DNAJC3: variants seen among roughly 807,000 people sequenced by gnomAD.
DNAJC3 encodes DnaJ heat shock protein family (Hsp40) member C3, also known as dnaJ homolog subfamily C member 3.
Under a neutral mutation model 68.6 loss-of-function variants are expected in DNAJC3, and 38 were observed. The observed-to-expected ratio is 0.55, with a 90% CI of 0.43 to 0.73. DNAJC3 has a LOEUF of 0.73. Ranked by LOEUF, DNAJC3 falls within the 30% of genes least tolerant of loss-of-function variation. DNAJC3 has a pLI of 0.00. For synonymous variants in DNAJC3, 203 were observed against 204.0 expected (o/e 1.00, Z 0.04); for missense variants, 526 against 591.9 (o/e 0.89, Z 1.16).
chr13:95,761,198 T>C (rs2139675844), intron 7 of DNAJC3, among the ~76,000 whole-genome samples: 1 of 152,236 alleles, frequency 6.6e-6, no homozygotes, highest in African/African-American at 2.4e-5. Context: ...CATAGGATAA[T>C]TGGAGTACCA....
intron 1 of DNAJC3, among the ~76,000 whole-genome samples, chr13:95,688,931 TGTGTGTGTGTGTG>T (rs1566466653): frequency 9.3e-5 from 8 of 86,286 alleles, no homozygotes; most frequent in African/African-American, 3.6e-4. Context: ...TGTGTGGGTG[TGTGTGTGTGTGTG>T]TGTGTGTGTG....
chr13:95,764,645 CATAT>C (rs755441205), intron 9 of DNAJC3, among the ~76,000 whole-genome samples: 11,468 of 56,224 alleles, frequency 0.2, 1,043 homozygotes, highest in Non-Finnish European at 0.22. Context: ...AAATAGAATC[CATAT>C]ATATATATAT....
intron 2 of DNAJC3, among the ~76,000 whole-genome samples, chr13:95,709,566 C>T (rs1880881946): frequency 6.6e-6 from 1 of 151,464 alleles, no homozygotes; most frequent in Non-Finnish European, 1.5e-5. Flanking sequence ...CCTGCTACTA[C>T]CAAGGATAAC....
At chr13:95,764,440 C>G (rs1188318975) in intron 9 of DNAJC3, among the ~76,000 whole-genome samples, 1 of 146,490 alleles carries the variant, frequency 6.8e-6, no homozygotes, top group African/African-American at 2.5e-5. Flanking sequence ...ACATACATGT[C>G]ATATATCCCT....
chr13:95,740,553 G>T (rs1179671848), intron 4 of DNAJC3, among the ~76,000 whole-genome samples: 4 of 152,126 alleles, frequency 2.6e-5, no homozygotes, highest in Admixed American at 2.0e-4. Flanking sequence ...CGCAGTATTC[G>T]GGTGGGAGTG....
rs565553538 is a variant in DNAJC3 at position 95,779,187 on chromosome 13, T to G, written c.1076-6752T>G. ...TCGCCCAGGCTGGAGTGCAGTGGCA[T>G]GATTTCAGCTCAATGCAAGCTCCGC... On this transcript the variant is annotated intron_variant, in intron 9 of 11. Coordinates refer to ENST00000602402, the MANE Select transcript of DNAJC3 (RefSeq NM_006260.5). 9.8e-4 allele frequency among the ~76,000 whole-genome samples: 145 copies of G among 148,364 alleles called. 1 individual carries two copies. Among genetic ancestry groups the G allele is most frequent in the Non-Finnish European group, 1.6e-3 (111 of 67,336 alleles).
chr13:95,762,203 G>C (rs1010332366), intron 7 of DNAJC3, among the ~76,000 whole-genome samples: 1 of 152,020 alleles, frequency 6.6e-6, no homozygotes, highest in Non-Finnish European at 1.5e-5. Context: ...TTGAGGTTGC[G>C]GTGAGCCGAG....
intron 9 of DNAJC3, among the ~76,000 whole-genome samples, chr13:95,769,887 C>G (rs894690759): frequency 6.6e-6 from 1 of 152,106 alleles, no homozygotes; most frequent in Admixed American, 6.5e-5. Context: ...ACTCTGTGAA[C>G]CCATGAGCGT....
chr13:95,677,722 G>C (rs938221143), intron 1 of DNAJC3, among the ~76,000 whole-genome samples: 1 of 152,248 alleles, frequency 6.6e-6, no homozygotes, highest in Non-Finnish European at 1.5e-5. Context: ...ATTGGTGCTG[G>C]CTGGGAGGAG....
intron 4 of DNAJC3, among the ~76,000 whole-genome samples, chr13:95,752,455 A>G (rs1178232901): frequency 2.0e-5 from 3 of 152,076 alleles, no homozygotes; most frequent in African/African-American, 4.8e-5. Context: ...TCTATATTCA[A>G]TCTGTTGTGA....
chr13:95,754,708 A>G (rs890995376), intron 4 of DNAJC3, among the ~76,000 whole-genome samples: 1 of 152,082 alleles, frequency 6.6e-6, no homozygotes, highest in African/African-American at 2.4e-5. Context: ...CTGTTTGTTA[A>G]AAGGAGTTAC....
intron 4 of DNAJC3, among the ~76,000 whole-genome samples, chr13:95,731,901 A>AT (rs777968421): frequency 0.22 from 26,872 of 123,904 alleles, 4,495 homozygotes; most frequent in African/African-American, 0.45. Flanking sequence ...CGCCTGGCTA[A>AT]TTTTTTTTTT....
chr13:95,770,771 C>T (rs1285360882), intron 9 of DNAJC3, among the ~76,000 whole-genome samples: 1 of 152,170 alleles, frequency 6.6e-6, no homozygotes, highest in Non-Finnish European at 1.5e-5. Context: ...TTACTGAGCT[C>T]ACAGCTCTCG....
At chr13:95,745,541 G>C (rs1475392173) in intron 4 of DNAJC3, 1 of 152,232 alleles carries the variant, frequency 6.6e-6, no homozygotes, top group African/African-American at 2.4e-5. Context: ...TGCTACGTGA[G>C]TCACAAGGAT....
intron 1 of DNAJC3, among the ~76,000 whole-genome samples, chr13:95,679,462 A>G (rs1306866565): frequency 6.6e-6 from 1 of 152,136 alleles, no homozygotes; most frequent in Non-Finnish European, 1.5e-5. Context: ...GGTGTCTGCT[A>G]TGTATTTGAC....
chr13:95,763,780 A>T, intron 8 of DNAJC3, 32 bp downstream of exon 8: 1 of 1,613,756 alleles, frequency 6.2e-7, no homozygotes. Flanking sequence ...GAAATGTGAA[A>T]ACTCAACATG....
intron 4 of DNAJC3, among the ~76,000 whole-genome samples, chr13:95,734,241 C>T (rs546127298): frequency 3.0e-4 from 46 of 152,230 alleles, no homozygotes; most frequent in Middle Eastern, 6.8e-3. Context: ...ATGAACCTGT[C>T]TGGGAAAGGC....
chr13:95,787,153 C>T lies in DNAJC3; in HGVS notation c.1355C>T (p.Pro452Leu). 1.2e-6 allele frequency: 2 copies of T among 1,609,024 alleles called. No individual in the cohort carries two copies. Among genetic ancestry groups the T allele is most frequent in the Non-Finnish European group, 1.7e-6 (2 of 1,178,722 alleles). Residue 452 changes from proline to leucine, a missense_variant and splice_region_variant, in exon 11 of 12, where the codon CCA becomes CTA. Physicochemically the swap from Pro to Leu is moderately conservative, Grantham distance 98. Transcript: ENST00000602402. ...GCTGCTAAAGAAGTCCTCTCTGATC[C>T]AGGTATTATTAGCTTTTATTCCTTT... is the stretch of plus-strand genomic sequence containing the variant. ...IAAAKEVLSD[P>L]EMRKKFDDGE...
chr13:95,774,463 C>T (rs1238838350), intron 9 of DNAJC3, among the ~76,000 whole-genome samples: 10 of 152,042 alleles, frequency 6.6e-5, no homozygotes. Context: ...TGGTATCTAC[C>T]TTGATGAATA....
Sources: gnomAD v4.1 joint callset for allele counts (sites outside exome capture counted in the v4.1 genomes callset) on GRCh38, gnomAD v4.1.1 for gene constraint, MANE v1.5 for transcripts, NCBI Gene and HGNC (gene_info 2026-07-23, HGNC 2026-07-21) for gene names.